CCDC7: variants seen among roughly 807,000 people sequenced by gnomAD.
CCDC7 encodes the protein coiled-coil domain containing 7, also known as coiled-coil domain-containing protein 7.
A neutral mutation model predicts 196.9 loss-of-function variants in CCDC7; 183 were observed. The observed-to-expected ratio is 0.93, with a 90% CI of 0.82 to 1.05. The LOEUF is 1.05. Among genes scored for constraint, CCDC7 ranks in the 50% least tolerant of loss-of-function variants. The pLI is 0.00. For missense variants in CCDC7, 1,540 were observed against 1,482.2 expected (o/e 1.04, Z -0.64); for synonymous variants, 525 against 484.6 (o/e 1.08, Z -1.10).
At chr10:32,850,241 C>T (rs1027849322) in intron 39 of CCDC7, among the ~76,000 whole-genome samples, 2 of 152,106 alleles carry the variant, frequency 1.3e-5, no homozygotes, top group African/African-American at 2.4e-5. Context: ...CTTTGCAAAG[C>T]AAAAATGTGG....
At chr10:32,880,214 T>C (rs928067553), downstream of CCDC7, among the ~76,000 whole-genome samples, 2 of 152,268 alleles carry the variant, frequency 1.3e-5, no homozygotes, top group East Asian at 3.9e-4. Flanking sequence ...CCAGCATCTG[T>C]TGTTTCTTGA....
At chr10:32,637,609 A>G (rs527280471) in intron 20 of CCDC7, among the ~76,000 whole-genome samples, 1 of 152,296 alleles carries the variant, frequency 6.6e-6, no homozygotes, top group East Asian at 1.9e-4. Flanking sequence ...TGGTACCGGT[A>G]CCATGCTCTT....
intron 20 of CCDC7, among the ~76,000 whole-genome samples, chr10:32,643,909 A>G (rs951392519): frequency 1.4e-4 from 20 of 147,790 alleles, no homozygotes; most frequent in African/African-American, 4.4e-4. Context: ...GGTCTTTTCA[A>G]TTCATTTAAT....
chr10:32,828,434 G>GGAGAA (rs1395168609), intron 32 of CCDC7, among the ~76,000 whole-genome samples: 3 of 65,928 alleles, frequency 4.6e-5, no homozygotes, highest in African/African-American at 1.2e-4. Context: ...GAAGAAGGAA[G>GGAGAA]GAAGGAGAAG....
chr10:32,760,427 G>A (rs2077258461), intron 28 of CCDC7, among the ~76,000 whole-genome samples: 1 of 151,904 alleles, frequency 6.6e-6, no homozygotes, highest in African/African-American at 2.4e-5. Context: ...AAAAAATGAT[G>A]AGTTCATGTC....
intron 28 of CCDC7, among the ~76,000 whole-genome samples, chr10:32,751,442 G>T (rs777474143): frequency 2.6e-5 from 4 of 152,008 alleles, no homozygotes; most frequent in Admixed American, 6.6e-5. Context: ...ATGAATATTT[G>T]GTGGGAGCAT....
intron 39 of CCDC7, among the ~76,000 whole-genome samples, chr10:32,850,610 A>C (rs2093516392): frequency 6.6e-6 from 1 of 152,214 alleles, no homozygotes; most frequent in Non-Finnish European, 1.5e-5. Context: ...TCCCACATGC[A>C]AAATAGAATC....
At chr10:32,732,190 A>G (rs2084103677) in intron 28 of CCDC7, among the ~76,000 whole-genome samples, 1 of 152,180 alleles carries the variant, frequency 6.6e-6, no homozygotes, top group African/African-American at 2.4e-5. Context: ...AAATGGATGA[A>G]ATAGCAGATG....
chr10:32,760,825 A>T (rs2077352413), intron 28 of CCDC7, among the ~76,000 whole-genome samples: 2 of 152,124 alleles, frequency 1.3e-5, no homozygotes, highest in South Asian at 4.2e-4. Flanking sequence ...TTCAAAATAA[A>T]AATTATCACC....
chr10:32,871,385 C>G (rs1012791247), intron 41 of CCDC7, among the ~76,000 whole-genome samples: 3 of 151,936 alleles, frequency 2.0e-5, no homozygotes, highest in South Asian at 2.1e-4. Flanking sequence ...AGTTTATTTG[C>G]GTAGAGGTGT....
chr10:32,848,819 T>C, intron 39 of CCDC7, 101 bp downstream of exon 40: 2 of 974,600 alleles, frequency 2.1e-6, no homozygotes, highest in Non-Finnish European at 3.1e-6. Flanking sequence ...TACTTTTTTT[T>C]CAGAAATATC....
In CCDC7 at chr10:32,664,064, T is replaced by A. The variant is rs78766756; in HGVS notation, c.2025T>A (p.Asp675Glu). ...TATTAATTTGTGTAGCTCATAATGA[T>A]GTACCAGAAGAAAATCTTATGCTTG... The change falls in exon 21 of 42, where the codon GAT becomes GAA. Residue 675 changes from aspartate to glutamate, a missense_variant. By Grantham distance (45) the Asp-to-Glu change is conservative (BLOSUM62 2). Coordinates refer to ENST00000639629, the Ensembl canonical transcript of CCDC7. 3,845 of 396,582 alleles carry A rather than the reference T, an allele frequency of 9.7e-3. 20 individuals are homozygous for A. Among genetic ancestry groups the A allele is most frequent in the Non-Finnish European group, 0.011 (2,568 of 224,354 alleles). 24.6% of individuals were successfully genotyped at this position (396,582 alleles called of 1,614,324 possible). A position where few individuals can be genotyped will look rare whatever the true frequency, so the allele number is the denominator to read the frequency against.
chr10:32,752,162 C>T (rs1460675319), intron 28 of CCDC7, among the ~76,000 whole-genome samples: 3 of 152,070 alleles, frequency 2.0e-5, no homozygotes, highest in Admixed American at 1.3e-4. Flanking sequence ...CCAGTGTCAC[C>T]GTGGCCTCTT....
At chr10:32,684,555 C>G (rs2076246233) in intron 21 of CCDC7, among the ~76,000 whole-genome samples, 1 of 152,206 alleles carries the variant, frequency 6.6e-6, no homozygotes, top group African/African-American at 2.4e-5. Flanking sequence ...CCATGGGTCA[C>G]CACTATTTCC....
At chr10:32,744,585 T>A (rs1278907863) in intron 28 of CCDC7, among the ~76,000 whole-genome samples, 1 of 152,234 alleles carries the variant, frequency 6.6e-6, no homozygotes, top group African/African-American at 2.4e-5. Context: ...GTTACACATC[T>A]CTTTATATGC....
chr10:32,824,824 A>G (rs886894611), intron 32 of CCDC7, among the ~76,000 whole-genome samples: 9 of 152,262 alleles, frequency 5.9e-5, no homozygotes, highest in African/African-American at 1.7e-4. Context: ...GTCTAATGCT[A>G]TAGTGACCTT....
chr10:32,702,627 G>C (rs1174240842), intron 24 of CCDC7, among the ~76,000 whole-genome samples: 1 of 152,136 alleles, frequency 6.6e-6, no homozygotes, highest in Non-Finnish European at 1.5e-5. Flanking sequence ...GGGTGTTAAA[G>C]TCTCCCATTA....
chr10:32,650,948 C>T lies in CCDC7; in HGVS notation c.2015-13106C>T, dbSNP rs577502431. ...AGGGGCTGGCAGGCAGGTGGGTCTG[C>T]GGGTCAGATGTGCCCCAGTCCCACA... On this transcript the variant is annotated intron_variant, in intron 20 of 41. Transcript: ENST00000639629. Among the ~76,000 whole-genome samples, 53 of 152,248 alleles carry T rather than the reference C, an allele frequency of 3.5e-4. No homozygotes were observed. The South Asian group carries it at 7.3e-3, about 21-fold the overall frequency.
chr10:32,845,056 T>G (rs1374645056), intron 33 of CCDC7, among the ~76,000 whole-genome samples, 187 bp from the exon 35 acceptor site: 1 of 151,662 alleles, frequency 6.6e-6, no homozygotes, highest in African/African-American at 2.4e-5. Flanking sequence ...AAGACTAATA[T>G]TTATGGTTTA....
Sources: allele counts gnomAD v4.1 joint callset (sites outside exome capture counted in the v4.1 genomes callset), GRCh38; gene constraint gnomAD v4.1.1; transcripts MANE v1.5; gene names NCBI Gene and HGNC (gene_info 2026-07-23, HGNC 2026-07-21).